The following MMP16 variants were observed in gnomAD, a reference collection of about 807,000 sequenced individuals.
MMP16 encodes the protein matrix metallopeptidase 16.
Under a neutral mutation model 67.8 loss-of-function variants are expected in MMP16, and 12 were observed. That is an observed-to-expected ratio of 0.18 (90% confidence interval 0.11 to 0.29). The LOEUF is 0.29. MMP16 is among the 10% of genes least tolerant of loss of function. The pLI, the probability that MMP16 is intolerant of heterozygous loss-of-function variation, is 1.00. For missense variants in MMP16, 475 were observed against 765.7 expected (o/e 0.62, Z 4.48); for synonymous variants, 249 against 255.9 (o/e 0.97, Z 0.26).
In MMP16 at chr8:88,106,051, GTA is replaced by G. The variant is rs34758855; in HGVS notation, c.1083+10454_1083+10455del. Among the ~76,000 whole-genome samples, 1,296 of 145,400 alleles carry G rather than the reference GTA, an allele frequency of 8.9e-3. 23 individuals carry two copies. The highest frequency in any genetic ancestry group is 0.025 in the African/African-American group (1,006 of 39,716). ...ACGTGTATATATATTTACACGTTAT[GTA>G]TATATATATATATATATATATGTAT... On this transcript the variant is annotated intron_variant, in intron 6 of 9. Transcript: ENST00000286614.
At chr8:88,324,333 G>A (rs773611160) in intron 1 of MMP16, among the ~76,000 whole-genome samples, 6 of 152,024 alleles carry the variant, frequency 3.9e-5, no homozygotes, top group Non-Finnish European at 7.4e-5. Context: ...AAATCAGACA[G>A]GAAAGAGTTA....
rs983799559 is a variant in MMP16, at chr8:88,215,580, G to A, written c.133-18274C>T. Among the ~76,000 whole-genome samples, 10 of 151,966 alleles carry A rather than the reference G, an allele frequency of 6.6e-5. No homozygotes were observed. The East Asian group carries it at 1.2e-3, about 18-fold the overall frequency. ...ATGCCCCCTCCCTAACCTCAATGCC[G>A]TTCTCTACGGTGCCACATTTCTTGG... On this transcript the variant is annotated intron_variant, in intron 1 of 9. Transcript: ENST00000286614.
chr8:88,115,965 A>G (rs1359798332), intron 6 of MMP16, among the ~76,000 whole-genome samples: 1 of 152,142 alleles, frequency 6.6e-6, no homozygotes, highest in Non-Finnish European at 1.5e-5. Context: ...ATAACTGCCT[A>G]ACAATATCAA....
At chr8:88,301,594 A>G (rs540377089) in intron 1 of MMP16, among the ~76,000 whole-genome samples, 1 of 152,180 alleles carries the variant, frequency 6.6e-6, no homozygotes, top group Non-Finnish European at 1.5e-5. Flanking sequence ...GGAATATGAC[A>G]TTATGTGTAT....
At chr8:88,133,620 G>A (rs970877211) in intron 4 of MMP16, among the ~76,000 whole-genome samples, 1 of 151,724 alleles carries the variant, frequency 6.6e-6, no homozygotes, top group Non-Finnish European at 1.5e-5. Flanking sequence ...AGATTATGCA[G>A]ACATATTTTC....
At chr8:88,269,737 C>A (rs147833393) in intron 1 of MMP16, among the ~76,000 whole-genome samples, 1 of 152,132 alleles carries the variant, frequency 6.6e-6, no homozygotes, top group Non-Finnish European at 1.5e-5. Flanking sequence ...GGAATGTCAT[C>A]CACCCTACAG....
At chr8:88,171,804 T>C (rs1808807899) in intron 3 of MMP16, among the ~76,000 whole-genome samples, 1 of 151,880 alleles carries the variant, frequency 6.6e-6, no homozygotes. Context: ...TTTAAATATA[T>C]ATGATGAATT....
At chr8:88,074,553 C>T (rs758759324) in intron 7 of MMP16, 52 bp downstream of exon 7, 9 of 1,576,076 alleles carry the variant, frequency 5.7e-6, no homozygotes, top group Non-Finnish European at 7.8e-6. Context: ...CCACAGGGTC[C>T]TATACAAAAT....
intron 6 of MMP16, among the ~76,000 whole-genome samples, chr8:88,106,232 G>C (rs1809239244): frequency 6.6e-6 from 1 of 151,036 alleles, no homozygotes; most frequent in Admixed American, 6.6e-5. Context: ...GTGTATCTGG[G>C]TATACATAGG....
chr8:88,261,057 T>C (rs1282692949), intron 1 of MMP16, among the ~76,000 whole-genome samples: 4 of 152,208 alleles, frequency 2.6e-5, no homozygotes, highest in Admixed American at 1.3e-4. Flanking sequence ...AGGGAATACA[T>C]TGCATTTTGA....
chr8:88,171,718 TG>T (rs1808806766), intron 3 of MMP16, among the ~76,000 whole-genome samples: 1 of 152,204 alleles, frequency 6.6e-6, no homozygotes, highest in African/African-American at 2.4e-5. Flanking sequence ...AAGCACTCAG[TG>T]GTCTTACTCG....
At position 88,204,749 on chromosome 8, in the gene MMP16, T is replaced by TA. The variant is rs540293387; in HGVS notation, c.133-7444dup. Among the ~76,000 whole-genome samples the TA allele has an allele frequency of 2.1e-4, 32 of 152,256 alleles. No homozygotes were observed. The South Asian group carries it at 5.4e-3, about 26-fold the overall frequency. On this transcript the variant is annotated intron_variant, in intron 1 of 9. Coordinates refer to ENST00000286614, the MANE Select transcript of MMP16 (RefSeq NM_005941.5). Reference sequence around the variant, plus strand: ...AAGCTGATAGAAACTACTTTATTTCTAAAAAAGAAGCTATTTCCTTAAATT... The same window carrying TA: ...AAGCTGATAGAAACTACTTTATTTCTAAAAAAAGAAGCTATTTCCTTAAATT...
At chr8:88,185,624 T>C (rs1586195010) in intron 3 of MMP16, among the ~76,000 whole-genome samples, 1 of 152,184 alleles carries the variant, frequency 6.6e-6, no homozygotes, top group Non-Finnish European at 1.5e-5. Flanking sequence ...TGACAGATGA[T>C]TCCTGACATT....
chr8:88,142,152 C>T (rs953370794), intron 4 of MMP16, among the ~76,000 whole-genome samples: 3 of 151,792 alleles, frequency 2.0e-5, no homozygotes, highest in East Asian at 3.9e-4. Context: ...TCAGGCAATC[C>T]GCTCGCCTCA....
At chr8:88,069,818 A>T (rs1186863907) in intron 7 of MMP16, among the ~76,000 whole-genome samples, 1 of 152,164 alleles carries the variant, frequency 6.6e-6, no homozygotes, top group Admixed American at 6.5e-5. Context: ...CATAAGCATA[A>T]GGCAGGCTAA....
Position 88,070,002 on chromosome 8 carries a change from T to C in MMP16, c.1222+4603A>G, listed in dbSNP as rs535450886. ...GACTGCAATCCTATCTCTTTCTACA[T>C]AGACAATTATCTCCATGGATACAGT... On this transcript the variant is annotated intron_variant, in intron 7 of 9. Transcript: ENST00000286614. Among the ~76,000 whole-genome samples, 229 of 152,300 alleles carry C rather than the reference T, an allele frequency of 1.5e-3. 1 individual carries two copies. The highest frequency in any genetic ancestry group is 2.3e-3 in the Non-Finnish European group (158 of 68,014).
intron 1 of MMP16, among the ~76,000 whole-genome samples, chr8:88,226,648 T>G (rs1180382926): frequency 6.6e-6 from 1 of 152,032 alleles, no homozygotes; most frequent in African/African-American, 2.4e-5. Flanking sequence ...AGGAATGTAT[T>G]TTTCTCATAG....
At chr8:88,323,542 G>C (rs573360891) in intron 1 of MMP16, among the ~76,000 whole-genome samples, 3 of 152,152 alleles carry the variant, frequency 2.0e-5, no homozygotes, top group East Asian at 3.9e-4. Flanking sequence ...TCACAAAAGA[G>C]TAATCATTTT....
chr8:88,212,117 T>C (rs771664192), intron 1 of MMP16, among the ~76,000 whole-genome samples: 1 of 152,132 alleles, frequency 6.6e-6, no homozygotes, highest in Non-Finnish European at 1.5e-5. Context: ...CTTATCTGTG[T>C]TTCTCTTGCC....
Sources: gnomAD v4.1 joint callset for allele counts (sites outside exome capture counted in the v4.1 genomes callset) on GRCh38, gnomAD v4.1.1 for gene constraint, MANE v1.5 for transcripts, NCBI Gene and HGNC (gene_info 2026-07-23, HGNC 2026-07-21) for gene names.